Variants in DNAJC24 observed in about 807,000 individuals in gnomAD.
DNAJC24 encodes dnaJ homolog subfamily C member 24.
DNAJC24 carries 17 observed loss-of-function variants against 18.0 expected under a neutral mutation model. The observed-to-expected ratio is 0.94, with a 90% CI of 0.65 to 1.42. The LOEUF is 1.42. Ranked by LOEUF, DNAJC24 falls within the 40% of genes most tolerant of loss-of-function variation. DNAJC24 has a pLI of 0.00. For synonymous variants in DNAJC24, 55 were observed against 57.7 expected, an observed-to-expected ratio of 0.95 and a Z score of 0.21; for missense variants, 158 against 175.6, an observed-to-expected ratio of 0.90 and a Z score of 0.57.
intron 2 of DNAJC24, among the ~76,000 whole-genome samples, chr11:31,404,180 T>G (rs1564953426): frequency 6.6e-6 from 1 of 152,180 alleles, no homozygotes; most frequent in Non-Finnish European, 1.5e-5. Context: ...AGTGAGGTCT[T>G]TATGACCTGT....
intron 2 of DNAJC24, among the ~76,000 whole-genome samples, chr11:31,379,270 G>A (rs1952350721): frequency 6.6e-6 from 1 of 152,106 alleles, no homozygotes; most frequent in Non-Finnish European, 1.5e-5. Flanking sequence ...CTGTGGCACT[G>A]GGTTCTCATA....
chr11:31,399,243 A>G (rs1312523305), intron 2 of DNAJC24, among the ~76,000 whole-genome samples: 1 of 152,218 alleles, frequency 6.6e-6, no homozygotes, highest in African/African-American at 2.4e-5. Context: ...GAATTGGTAT[A>G]ACATTATATT....
intron 2 of DNAJC24, among the ~76,000 whole-genome samples, chr11:31,409,960 C>G (rs897120610): frequency 6.6e-6 from 1 of 151,304 alleles, no homozygotes; most frequent in Non-Finnish European, 1.5e-5. Flanking sequence ...TCTCCGCTCA[C>G]TGCAACCTCT....
At chr11:31,427,009 G>C (rs919833333) in intron 4 of DNAJC24, 1 of 151,900 alleles carries the variant, frequency 6.6e-6, no homozygotes, top group Non-Finnish European at 1.5e-5. Flanking sequence ...ATTACATTGG[G>C]AAACACACTT....
chr11:31,431,795 G>A lies in DNAJC24; in HGVS notation c.*1394G>A, dbSNP rs1467576635. On this transcript the variant is annotated 3_prime_UTR_variant, in exon 5 of 5. Coordinates refer to ENST00000465995, the MANE Select transcript of DNAJC24 (RefSeq NM_181706.5). ...CCACTGCACTGCAGCCTGGGCTACAGAGAGCAAGACTCTGTCTCAAAAAAA... is the reference window on the plus strand; with the variant it reads ...CCACTGCACTGCAGCCTGGGCTACAAAGAGCAAGACTCTGTCTCAAAAAAA... 1 of 151,570 alleles carries A rather than the reference G, an allele frequency of 6.6e-6. No homozygotes were observed. The highest frequency in any genetic ancestry group is 1.5e-5 in the Non-Finnish European group (1 of 67,908). The allele number at this position is 151,570 out of a possible 1,614,324, so 9.4% of individuals were successfully genotyped here.
chr11:31,384,301 C>CT (rs1050365368), intron 2 of DNAJC24, among the ~76,000 whole-genome samples: 3 of 152,204 alleles, frequency 2.0e-5, no homozygotes, highest in African/African-American at 4.8e-5. Context: ...CATCATAACT[C>CT]TGTTATTCCA....
intron 2 of DNAJC24, chr11:31,408,389 C>T (rs999023314): frequency 2.9e-6 from 1 of 350,276 alleles, no homozygotes; most frequent in East Asian, 7.5e-5. Context: ...TGCTGCAGTT[C>T]TGAGGACCAC....
At chr11:31,419,133 T>C (rs1170320703) in intron 3 of DNAJC24, among the ~76,000 whole-genome samples, 1 of 152,154 alleles carries the variant, frequency 6.6e-6, no homozygotes, top group African/African-American at 2.4e-5. Context: ...GTCCTAAAGC[T>C]GACCCTTACA....
At chr11:31,409,679 T>A (rs1952688043) in intron 2 of DNAJC24, among the ~76,000 whole-genome samples, 1 of 152,208 alleles carries the variant, frequency 6.6e-6, no homozygotes, top group Non-Finnish European at 1.5e-5. Context: ...TCCAGTGTTT[T>A]AGTAAGACTG....
intron 2 of DNAJC24, among the ~76,000 whole-genome samples, chr11:31,387,165 G>A (rs181660455): frequency 7.4e-4 from 112 of 152,306 alleles, no homozygotes; most frequent in African/African-American, 2.7e-3. Context: ...CCAGGGCCAG[G>A]GGGATCTTAC....
chr11:31,410,090 T>TGTTGGCTAGTCTCAAACTAGCCACAC (rs1952693642), intron 2 of DNAJC24, among the ~76,000 whole-genome samples: 1 of 151,846 alleles, frequency 6.6e-6, no homozygotes, highest in Non-Finnish European at 1.5e-5. Context: ...ACCATGGTGG[T>TGTTGGCTAGTCTCAAACTAGCCACAC]CAGGCTAGTC....
chr11:31,393,310 A>G (rs927794203), intron 2 of DNAJC24, among the ~76,000 whole-genome samples: 16 of 152,164 alleles, frequency 1.1e-4, no homozygotes, highest in Admixed American at 5.9e-4. Flanking sequence ...TAGGAGCCTT[A>G]TATGCAGATC....
intron 2 of DNAJC24, among the ~76,000 whole-genome samples, chr11:31,409,888 C>CTT (rs34773636): frequency 1.1e-3 from 157 of 137,628 alleles, no homozygotes; most frequent in African/African-American, 3.6e-3. Flanking sequence ...TTTTCTTTTT[C>CTT]TTTTTTTTTT....
chr11:31,379,878 C>T (rs1360646882), intron 2 of DNAJC24, among the ~76,000 whole-genome samples: 2 of 152,158 alleles, frequency 1.3e-5, no homozygotes, highest in Non-Finnish European at 2.9e-5. Context: ...CTCCCTCAGC[C>T]TCCCAAGTAG....
chr11:31,377,338 T>C (rs1423227937), intron 2 of DNAJC24, among the ~76,000 whole-genome samples: 1 of 152,078 alleles, frequency 6.6e-6, no homozygotes, highest in African/African-American at 2.4e-5. Context: ...AAAAAATTCT[T>C]ACTAATTGAG....
intron 2 of DNAJC24, chr11:31,385,102 A>C (rs1349751307): frequency 6.6e-6 from 1 of 152,212 alleles, no homozygotes; most frequent in East Asian, 1.9e-4. Context: ...AATTTTTAAA[A>C]AGTTTTAAAC....
chr11:31,378,679 C>T lies in DNAJC24; in HGVS notation c.111+7820C>T, dbSNP rs571028357. On this transcript the variant is annotated intron_variant, in intron 2 of 4. Transcript: ENST00000465995. ...GGTTTTTTTTTTAATATTCCTATCGCATAAATGCAGCAATAATAGATTATA... is the reference window on the plus strand; with the variant it reads ...GGTTTTTTTTTTAATATTCCTATCGTATAAATGCAGCAATAATAGATTATA... Among the ~76,000 whole-genome samples, 16 of 151,374 alleles carry T rather than the reference C, an allele frequency of 1.1e-4. No homozygotes were observed. The East Asian group carries it at 2.7e-3, about 26-fold the overall frequency.
At chr11:31,388,202 A>C (rs1272001567) in intron 2 of DNAJC24, among the ~76,000 whole-genome samples, 1 of 152,174 alleles carries the variant, frequency 6.6e-6, no homozygotes, top group Non-Finnish European at 1.5e-5. Context: ...GTTTATTCAG[A>C]TGGTTAATAA....
At chr11:31,420,145 G>A (rs931179694) in intron 3 of DNAJC24, among the ~76,000 whole-genome samples, 3 of 151,918 alleles carry the variant, frequency 2.0e-5, no homozygotes, top group Non-Finnish European at 2.9e-5. Context: ...TACTTTTTCC[G>A]ACTTATTACC....
Sources: allele counts gnomAD v4.1 joint callset (sites outside exome capture counted in the v4.1 genomes callset), GRCh38; gene constraint gnomAD v4.1.1; transcripts MANE v1.5; gene names NCBI Gene and HGNC (gene_info 2026-07-23, HGNC 2026-07-21).